SMARCAL1: variants seen among roughly 807,000 people sequenced by gnomAD.
The protein encoded by SMARCAL1 is ATP-driven annealing helicase.
SMARCAL1 carries 58 observed loss-of-function variants against 94.5 expected under a neutral mutation model. That is an observed-to-expected ratio of 0.61 (90% CI 0.50 to 0.76). The LOEUF (loss-of-function observed/expected upper bound fraction) is 0.76. Ranked by LOEUF, SMARCAL1 falls within the 30% of genes least tolerant of loss-of-function variation. The probability of loss-of-function intolerance (pLI) is 0.00; values close to 1 mark genes in which losing one functional copy is unlikely to be tolerated. For missense variants in SMARCAL1, 1,051 were observed against 1,177.9 expected (o/e 0.89, Z 1.58); for synonymous variants, 422 against 455.1 (o/e 0.93, Z 0.93).
Position 216,422,357 on chromosome 2 carries a change from G to A in SMARCAL1, c.1097-1276G>A, listed in dbSNP as rs577483154. On this transcript the variant is annotated intron_variant, in intron 5 of 17. Transcript: ENST00000357276. ...ATCGCACCACTGCACTCCAGCCTGG[G>A]TGACAATCTCAAAAATAAAAAAGGC... Among the ~76,000 whole-genome samples, 4 of 152,208 alleles carry A rather than the reference G, an allele frequency of 2.6e-5. No individual in the cohort carries two copies. The East Asian group carries it at 7.7e-4, about 29-fold the overall frequency.
intron 10 of SMARCAL1, chr2:216,446,733 G>A: frequency 1.7e-6 from 1 of 580,582 alleles, no homozygotes; most frequent in South Asian, 1.5e-5. Flanking sequence ...ATACAGCCCA[G>A]TCCTTGATCT....
At chr2:216,445,469 A>T (rs527696938) in intron 10 of SMARCAL1, among the ~76,000 whole-genome samples, 495 of 152,254 alleles carry the variant, frequency 3.3e-3, no homozygotes, top group Non-Finnish European at 4.9e-3. Flanking sequence ...TAAGTATCTG[A>T]CAGAAGACCC....
Position 216,432,827 on chromosome 2 carries a change from C to G in SMARCAL1, c.1444C>G (p.Leu482Val). 1 of 1,614,234 alleles carries G rather than the reference C, an allele frequency of 6.2e-7. No homozygotes were observed. The highest frequency in any genetic ancestry group is 8.5e-7 in the Non-Finnish European group (1 of 1,180,050). The change falls in exon 8 of 18, where the codon CTG becomes GTG. Residue 482 changes from leucine to valine, a missense_variant. By Grantham distance (32) the Leu-to-Val change is conservative. This residue lies in a region of SMARCAL1 where 642 missense variants were observed against 754.7 expected (regional missense o/e 0.85). Transcript: ENST00000357276. ...CTTTTACCGGAAGGAGTGGCCGCTCCTGGTGGTGGTGCCATCCTCCGTGCG... is the reference window on the plus strand; with the variant it reads ...CTTTTACCGGAAGGAGTGGCCGCTCGTGGTGGTGGTGCCATCCTCCGTGCG... ...AAFYRKEWPL[L>V]VVVPSSVRFT...
At chr2:216,419,546 CCTCA>C (rs146091378) in intron 4 of SMARCAL1, among the ~76,000 whole-genome samples, 4,352 of 152,076 alleles carry the variant, frequency 0.029, 205 homozygotes, top group African/African-American at 0.099. Flanking sequence ...TGATCCTGGT[CCTCA>C]CTCCTTTGTT....
intron 4 of SMARCAL1, among the ~76,000 whole-genome samples, chr2:216,416,667 G>T (rs943863817): frequency 2.0e-5 from 3 of 152,322 alleles, no homozygotes; most frequent in South Asian, 4.1e-4. Flanking sequence ...GTACAACTGG[G>T]ATTCAAACCC....
At chr2:216,457,296 C>G (rs1427455138) in intron 12 of SMARCAL1, among the ~76,000 whole-genome samples, 2 of 152,210 alleles carry the variant, frequency 1.3e-5, no homozygotes, top group African/African-American at 2.4e-5. Context: ...AGAAAGTTAA[C>G]AAGGATATCC....
chr2:216,471,079 G>A (rs1359161773), intron 14 of SMARCAL1, among the ~76,000 whole-genome samples: 5 of 150,238 alleles, frequency 3.3e-5, no homozygotes, highest in South Asian at 2.2e-4. Flanking sequence ...TCACAAATCC[G>A]TTTTCAATTT....
chr2:216,424,022 G>A (rs1693779264), intron 6 of SMARCAL1, among the ~76,000 whole-genome samples: 1 of 152,182 alleles, frequency 6.6e-6, no homozygotes, highest in East Asian at 1.9e-4. Context: ...GCTTAGCTTA[G>A]GTGGAAGTGA....
Position 216,450,906 on chromosome 2 carries a change from G to A in SMARCAL1, c.1912G>A (p.Glu638Lys). Residue 638 changes from glutamate to lysine, a missense_variant, in exon 12 of 18, where the codon GAG (glutamate) becomes AAG (lysine). Physicochemically the swap from Glu to Lys is moderately conservative, Grantham distance 56. Transcript: ENST00000357276. ...CCTGGGAGAGCTGAAGCTCCTGCTG[G>A]AGGAAGCAGTCATGCTGCGGCGCCT... The part of the protein sequence containing the change: ...SNLGELKLLL[E>K]EAVMLRRLKS... 6.2e-7 allele frequency: 1 copy of A among 1,614,232 alleles called. No homozygotes were observed. The highest frequency in any genetic ancestry group is 8.5e-7 in the Non-Finnish European group (1 of 1,180,038).
chr2:216,420,435 G>T lies in SMARCAL1; in HGVS notation c.999G>T (p.Gly333=). Residue 333 remains glycine, a synonymous_variant, in exon 5 of 18, where the codon GGG becomes GGT. Transcript: ENST00000357276. ...PSAPSLSFVK[G]RCMLISRAYF... ...CTCCATCCCTTTCATTTGTCAAAGG[G>T]CGATGCATGCTCATCTCCAGGGCCT... 6.2e-7 allele frequency: 1 copy of T among 1,614,150 alleles called. No homozygotes were observed. Among genetic ancestry groups the T allele is most frequent in the Non-Finnish European group, 8.5e-7 (1 of 1,180,022 alleles).
At position 216,482,898 on chromosome 2, in the gene SMARCAL1, G is replaced by A. The variant is rs754370341; in HGVS notation, c.2786G>A (p.Ser929Asn). ...SQNMGDTLDE[S>N]SLTASPQKKR... is the part of the protein sequence containing the mutation. The stretch of plus-strand genomic sequence containing the variant: ...AACATGGGAGACACCCTGGATGAAA[G>A]CTCATTGACAGCCAGTCCACAGAAG... The change falls in exon 18 of 18, where the codon AGC becomes AAC. Residue 929 changes from serine to asparagine, a missense_variant. By Grantham distance (46) the Ser-to-Asn change is conservative. Coordinates refer to ENST00000357276, the MANE Select transcript of SMARCAL1 (RefSeq NM_014140.4). The surrounding 1 kb of genome is among the most constrained non-coding windows in gnomAD (Gnocchi z 4.3). The A allele has an allele frequency of 1.2e-6, 2 of 1,614,168 alleles. No homozygotes were observed. Among genetic ancestry groups the A allele is most frequent in the African/African-American group, 2.7e-5 (2 of 75,022 alleles).
chr2:216,465,848 C>T (rs934655733), intron 13 of SMARCAL1, among the ~76,000 whole-genome samples: 2 of 152,126 alleles, frequency 1.3e-5, no homozygotes, highest in African/African-American at 2.4e-5. Context: ...GCCCCATCCT[C>T]GTACTTGGCC....
intron 11 of SMARCAL1, among the ~76,000 whole-genome samples, chr2:216,449,527 T>G (rs1056709542): frequency 6.6e-5 from 10 of 152,232 alleles, no homozygotes; most frequent in Admixed American, 6.5e-4. Context: ...TTCAGAGTAT[T>G]TTTTAAAAAG....
At chr2:216,463,820 A>T (rs1694764778) in intron 12 of SMARCAL1, among the ~76,000 whole-genome samples, 1 of 152,184 alleles carries the variant, frequency 6.6e-6, no homozygotes, top group South Asian at 2.1e-4. Flanking sequence ...AGGTGGGTGG[A>T]ACACCGGAGG....
intron 8 of SMARCAL1, among the ~76,000 whole-genome samples, chr2:216,434,679 AAAAAG>A (rs1694039512): frequency 6.6e-6 from 1 of 151,704 alleles, no homozygotes; most frequent in Non-Finnish European, 1.5e-5. Context: ...TTTGAAAAAA[AAAAAG>A]AAAGAAAGAA....
rs1694789191 is a variant in SMARCAL1 at position 216,464,654 on chromosome 2, A to G, written c.2128A>G (p.Ile710Val). ...LFFNRTAEAK[I>V]PSVIEYILDL... ...CTTCAACAGAACAGCTGAAGCTAAA[A>G]TCCCATCTGTCATGTAAGTGGTCAC... Residue 710 changes from isoleucine (I) to valine (V), a missense_variant, in exon 13 of 18, where the codon ATC becomes GTC. Physicochemically the swap from Ile to Val is conservative, Grantham distance 29. Coordinates refer to ENST00000357276, the MANE Select transcript of SMARCAL1 (RefSeq NM_014140.4). The G allele has an allele frequency of 6.2e-7, 1 of 1,611,348 alleles. No homozygotes were observed. Among genetic ancestry groups the G allele is most frequent in the African/African-American group, 1.3e-5 (1 of 74,624 alleles).
intron 4 of SMARCAL1, among the ~76,000 whole-genome samples, chr2:216,417,293 GTGT>G (rs991256249): frequency 1.3e-5 from 2 of 152,240 alleles, no homozygotes; most frequent in African/African-American, 4.8e-5. Context: ...GTAGCTGCTA[GTGT>G]TGTTAGTTTG....
intron 12 of SMARCAL1, among the ~76,000 whole-genome samples, chr2:216,462,749 G>A (rs1055084867): frequency 1.3e-5 from 2 of 152,056 alleles, no homozygotes; most frequent in African/African-American, 4.8e-5. Context: ...ACTGTAGGAG[G>A]CCAAGATGGG....
rs1370260679 is a variant in SMARCAL1, at chr2:216,475,687, T to A, written c.2427+236T>A. Among the ~76,000 whole-genome samples the A allele has an allele frequency of 6.6e-6, 1 of 152,024 alleles. No homozygotes were observed. The highest frequency in any genetic ancestry group is 1.9e-4 in the East Asian group (1 of 5,180). On this transcript the variant is annotated intron_variant, in intron 15 of 17. Transcript: ENST00000357276. The surrounding 1 kb of genome is among the most constrained non-coding windows in gnomAD (Gnocchi z 4.4). Reference sequence around the variant, plus strand: ...TGGAGTGCAGTGGCATGATCTTGGCTCACTGCAACCTCCGCCTCCTGGGTT... The same window carrying A: ...TGGAGTGCAGTGGCATGATCTTGGCACACTGCAACCTCCGCCTCCTGGGTT...
Sources: allele counts gnomAD v4.1 joint callset (sites outside exome capture counted in the v4.1 genomes callset), GRCh38; gene constraint gnomAD v4.1.1; regional missense constraint gnomAD v4.1.1; non-coding constraint Gnocchi (gnomAD v3.1); transcripts MANE v1.5; gene names NCBI Gene and HGNC (gene_info 2026-07-23, HGNC 2026-07-21).